The following WWOX variants were observed in gnomAD, a reference collection of about 807,000 sequenced individuals.
WWOX encodes the protein WW domain-containing oxidoreductase.
Under a neutral mutation model 46.2 loss-of-function variants are expected in WWOX, and 69 were observed. The ratio of observed to expected loss-of-function variants is 1.49; its 90% CI spans 1.23 to 1.82. The LOEUF is 1.82. Among genes scored for constraint, WWOX ranks in the 40% most tolerant of loss-of-function variants. WWOX has a pLI of 0.00. For synonymous variants in WWOX, 359 were observed against 202.6 expected (o/e 1.77, Z -6.56); for missense variants, 919 against 542.6 (o/e 1.69, Z -6.89).
chr16:78,832,068 G>C (rs1462299940), intron 8 of WWOX, among the ~76,000 whole-genome samples: 1 of 152,162 alleles, frequency 6.6e-6, no homozygotes, highest in Non-Finnish European at 1.5e-5. Context: ...GAATCTCATT[G>C]TCTTTGTGGG....
chr16:78,533,747 C>G (rs146264347), intron 8 of WWOX, among the ~76,000 whole-genome samples: 37 of 152,320 alleles, frequency 2.4e-4, no homozygotes, highest in Non-Finnish European at 4.4e-4. Flanking sequence ...CTCCAGAAAG[C>G]CTTCCCTGGA....
At chr16:79,152,663 C>G (rs898693558) in intron 8 of WWOX, among the ~76,000 whole-genome samples, 47 of 145,040 alleles carry the variant, frequency 3.2e-4, no homozygotes, top group Non-Finnish European at 5.6e-4. Context: ...GAGTGAGTCT[C>G]CATCTCAAAG....
chr16:79,112,087 C>G (rs1020196925), intron 8 of WWOX, among the ~76,000 whole-genome samples: 5 of 152,180 alleles, frequency 3.3e-5, no homozygotes, highest in African/African-American at 1.2e-4. Context: ...ACAGAACAGG[C>G]TCATTCTGAG....
chr16:78,857,070 G>T (rs1404753573), intron 8 of WWOX, among the ~76,000 whole-genome samples: 1 of 152,176 alleles, frequency 6.6e-6, no homozygotes. Flanking sequence ...AATCTTCTGG[G>T]ATCACCATTG....
chr16:78,885,191 ACT>A (rs1491292079), intron 8 of WWOX, among the ~76,000 whole-genome samples: 8 of 135,372 alleles, frequency 5.9e-5, no homozygotes, highest in African/African-American at 2.2e-4. Context: ...ATCACTCTCT[ACT>A]TTTTTTTTTT....
At position 78,737,067 on chromosome 16, in the gene WWOX, G is replaced by A. The variant is rs8050945; in HGVS notation, c.1056+304315G>A. ...GGGTTATATGTCTATTTTTTTGGTCGTTCCTTGCTCATCTGTCTTTATTTT... is the reference window on the plus strand; with the variant it reads ...GGGTTATATGTCTATTTTTTTGGTCATTCCTTGCTCATCTGTCTTTATTTT... On this transcript the variant is annotated intron_variant, in intron 8 of 8. Coordinates refer to ENST00000566780, the MANE Select transcript of WWOX (RefSeq NM_016373.4). Among the ~76,000 whole-genome samples the A allele has an allele frequency of 5.3e-5, 8 of 151,684 alleles. No homozygotes were observed. In the South Asian group the frequency reaches 1.5e-3, roughly 28 times the overall value.
At chr16:78,110,357 A>G (rs999781889) in intron 3 of WWOX, among the ~76,000 whole-genome samples, 4 of 151,432 alleles carry the variant, frequency 2.6e-5, no homozygotes, top group African/African-American at 9.7e-5. Flanking sequence ...AAAAAAAAAA[A>G]AAAAGAGGGA....
At chr16:78,513,581 G>C (rs2459109) in intron 8 of WWOX, among the ~76,000 whole-genome samples, 83,831 of 152,066 alleles carry the variant, frequency 0.55, 26,841 homozygotes, top group Non-Finnish European at 0.7. Flanking sequence ...GAATGATCCA[G>C]GGGAAATAGT....
chr16:78,783,784 G>A (rs2050387456), intron 8 of WWOX, among the ~76,000 whole-genome samples: 2 of 152,006 alleles, frequency 1.3e-5, no homozygotes, highest in Admixed American at 1.3e-4. Context: ...TGATGGTGGT[G>A]ATGGTGATAG....
chr16:78,292,697 A>G (rs2044453453), intron 5 of WWOX, among the ~76,000 whole-genome samples: 2 of 152,208 alleles, frequency 1.3e-5, no homozygotes, highest in Admixed American at 6.5e-5. Flanking sequence ...GGCACTGCTA[A>G]ATAAGGCAGG....
At chr16:79,036,298 G>T (rs1034202398) in intron 8 of WWOX, among the ~76,000 whole-genome samples, 2 of 152,152 alleles carry the variant, frequency 1.3e-5, no homozygotes, top group Non-Finnish European at 2.9e-5. Context: ...CCATCAGATG[G>T]CACCTCTTTT....
intron 3 of WWOX, among the ~76,000 whole-genome samples, chr16:78,112,611 GT>G (rs991683328): frequency 6.7e-6 from 1 of 148,856 alleles, no homozygotes; most frequent in African/African-American, 2.5e-5. Flanking sequence ...ACTTGTGAAA[GT>G]TTTTTTTCCT....
At chr16:79,057,656 G>A (rs184546852) in intron 8 of WWOX, among the ~76,000 whole-genome samples, 1 of 152,184 alleles carries the variant, frequency 6.6e-6, no homozygotes, top group East Asian at 1.9e-4. Flanking sequence ...CCTGATAAAT[G>A]GGAACTGGAG....
intron 8 of WWOX, among the ~76,000 whole-genome samples, chr16:78,725,311 CTT>C (rs1016172792): frequency 9.0e-6 from 1 of 110,754 alleles, no homozygotes; most frequent in African/African-American, 3.3e-5. Context: ...TCAGGTATGT[CTT>C]TTTTTTTCCT....
At chr16:78,271,350 G>A (rs921500586) in intron 5 of WWOX, among the ~76,000 whole-genome samples, 2 of 152,112 alleles carry the variant, frequency 1.3e-5, no homozygotes, top group African/African-American at 2.4e-5. Flanking sequence ...TCTTGCTTCC[G>A]TCACCTCGTG....
intron 5 of WWOX, among the ~76,000 whole-genome samples, chr16:78,312,231 A>C (rs981757889): frequency 6.6e-6 from 1 of 151,272 alleles, no homozygotes; most frequent in African/African-American, 2.4e-5. Context: ...AACCTGGCGT[A>C]GTCTCGATTT....
intron 8 of WWOX, among the ~76,000 whole-genome samples, chr16:79,172,643 A>G (rs536261606): frequency 4.6e-5 from 7 of 152,284 alleles, no homozygotes; most frequent in African/African-American, 1.7e-4. Flanking sequence ...ACCAATGGCA[A>G]AGACAAACTG....
At chr16:78,221,178 T>A (rs2036875020) in intron 5 of WWOX, among the ~76,000 whole-genome samples, 1 of 152,142 alleles carries the variant, frequency 6.6e-6, no homozygotes, top group Admixed American at 6.5e-5. Context: ...AGAAAATAAA[T>A]CTCTAATGTC....
At chr16:78,539,254 G>A (rs933630117) in intron 8 of WWOX, among the ~76,000 whole-genome samples, 3 of 152,216 alleles carry the variant, frequency 2.0e-5, no homozygotes, top group Non-Finnish European at 4.4e-5. Context: ...TAGATGCACA[G>A]ACAAAATCAC....
Sources: allele counts gnomAD v4.1 joint callset (sites outside exome capture counted in the v4.1 genomes callset), GRCh38; gene constraint gnomAD v4.1.1; transcripts MANE v1.5; gene names NCBI Gene and HGNC (gene_info 2026-07-23, HGNC 2026-07-21).